Variants in RARB observed in about 807,000 individuals in gnomAD.
The protein encoded by RARB is retinoic acid receptor beta, also known as HBV-activated protein.
Under a neutral mutation model 51.9 loss-of-function variants are expected in RARB, and 17 were observed. That is an observed-to-expected ratio of 0.33 (90% CI 0.22 to 0.49). RARB has a LOEUF of 0.49. RARB is among the 20% of genes least tolerant of loss of function. The probability of loss-of-function intolerance (pLI) is 0.99; values close to 1 mark genes in which losing one functional copy is unlikely to be tolerated. For synonymous variants in RARB, 215 were observed against 195.4 expected (o/e 1.10, Z -0.84); for missense variants, 369 against 550.8 (o/e 0.67, Z 3.30).
Position 25,565,078 on chromosome 3 carries a change from A to T in RARB, c.449-4680A>T, listed in dbSNP as rs773140431. Among the ~76,000 whole-genome samples, 3 of 152,238 alleles carry T rather than the reference A, an allele frequency of 2.0e-5. No individual in the cohort carries two copies. In the East Asian group the frequency reaches 5.8e-4, roughly 29 times the overall value. On this transcript the variant is annotated intron_variant, in intron 3 of 7. Transcript: ENST00000330688. ...CCAGTAGGATCCCCCTGCCACACCC[A>T]GTAATACACAGGCACAGCTCCCTGT...
intron 5 of RARB, among the ~76,000 whole-genome samples, chr3:25,252,633 T>G (rs370854184): frequency 5.4e-4 from 82 of 152,246 alleles, no homozygotes; most frequent in African/African-American, 1.9e-3. Flanking sequence ...TTTCATTTTC[T>G]TATATTTTCA....
chr3:25,011,009 G>A (rs1697382853), intron 2 of RARB, among the ~76,000 whole-genome samples: 1 of 151,930 alleles, frequency 6.6e-6, no homozygotes, highest in African/African-American at 2.4e-5. Flanking sequence ...TGATATCAGT[G>A]GCCATGTTCA....
chr3:25,539,947 G>T lies in RARB; in HGVS notation c.449-29811G>T, dbSNP rs551306792. Among the ~76,000 whole-genome samples, 36 of 151,916 alleles carry T rather than the reference G, an allele frequency of 2.4e-4. 1 individual carries two copies. In the South Asian group the frequency reaches 7.3e-3, roughly 31 times the overall value. The stretch of plus-strand genomic sequence containing the variant: ...TGTGGATCAAAAATACGGTATTTAT[G>T]GGATGCAAACCCCACATATACAAAG... On this transcript the variant is annotated intron_variant, in intron 3 of 7. Transcript: ENST00000330688.
At chr3:25,145,509 G>T (rs199626228) in intron 4 of RARB, among the ~76,000 whole-genome samples, 6 of 144,102 alleles carry the variant, frequency 4.2e-5, no homozygotes, top group African/African-American at 1.5e-4. Flanking sequence ...TCAAAAAAAA[G>T]AAAAAGAAAT....
intron 5 of RARB, among the ~76,000 whole-genome samples, chr3:25,206,107 CTCA>C (rs1559505256): frequency 1.3e-5 from 2 of 152,128 alleles, no homozygotes; most frequent in African/African-American, 4.8e-5. Context: ...GGAACATAAC[CTCA>C]TCATAAGTCA....
At chr3:25,048,972 T>C (rs948734994) in intron 2 of RARB, among the ~76,000 whole-genome samples, 1 of 152,124 alleles carries the variant, frequency 6.6e-6, no homozygotes, top group Non-Finnish European at 1.5e-5. Flanking sequence ...CAGGATGGTC[T>C]CGATCTCCTG....
chr3:24,872,277 G>A (rs1220421465), intron 2 of RARB, among the ~76,000 whole-genome samples: 1 of 152,110 alleles, frequency 6.6e-6, no homozygotes, highest in Non-Finnish European at 1.5e-5. Context: ...AGCACAGAAG[G>A]CAGGCTTCTG....
chr3:25,289,258 T>G (rs971028296), intron 5 of RARB, among the ~76,000 whole-genome samples: 1 of 152,212 alleles, frequency 6.6e-6, no homozygotes, highest in Non-Finnish European at 1.5e-5. Flanking sequence ...CTCACGGGGA[T>G]GCTGTGAGGT....
chr3:24,894,595 T>C (rs1464266767), intron 2 of RARB, among the ~76,000 whole-genome samples: 1 of 152,202 alleles, frequency 6.6e-6, no homozygotes, highest in Non-Finnish European at 1.5e-5. Context: ...TGTGTCTTTT[T>C]TGTGTAATGA....
At chr3:25,103,345 GCTT>G (rs1380849505) in intron 3 of RARB, among the ~76,000 whole-genome samples, 3 of 152,148 alleles carry the variant, frequency 2.0e-5, no homozygotes, top group Non-Finnish European at 4.4e-5. Flanking sequence ...AAATGAACTG[GCTT>G]CTTCTCACAA....
chr3:25,041,076 G>A (rs1353205228), intron 2 of RARB, among the ~76,000 whole-genome samples: 2 of 152,148 alleles, frequency 1.3e-5, no homozygotes, highest in Non-Finnish European at 2.9e-5. Flanking sequence ...TACACATTTT[G>A]CTTTCTTCTT....
At chr3:25,449,986 A>G (rs1320104504) in intron 1 of RARB, among the ~76,000 whole-genome samples, 2 of 152,096 alleles carry the variant, frequency 1.3e-5, no homozygotes, top group African/African-American at 2.4e-5. Flanking sequence ...TTCTGTCCTC[A>G]AGTGATCCAC....
intron 3 of RARB, among the ~76,000 whole-genome samples, chr3:25,118,354 C>A (rs1257066151): frequency 6.6e-6 from 1 of 152,118 alleles, no homozygotes; most frequent in East Asian, 1.9e-4. Context: ...TTATCATGAT[C>A]TGCCATCTAT....
chr3:24,891,593 A>G (rs1259782836), intron 2 of RARB, among the ~76,000 whole-genome samples: 3 of 152,158 alleles, frequency 2.0e-5, no homozygotes, highest in East Asian at 3.9e-4. Context: ...TTTAATATTC[A>G]TCTGCCTTTT....
At chr3:24,990,731 T>C (rs1696891012) in intron 2 of RARB, among the ~76,000 whole-genome samples, 1 of 41,780 alleles carries the variant, frequency 2.4e-5, no homozygotes, top group Non-Finnish European at 4.5e-5. Context: ...CTCCTCATTA[T>C]TACTCTTCTT....
At chr3:24,959,231 G>GT (rs1418207238) in intron 2 of RARB, among the ~76,000 whole-genome samples, 1 of 152,188 alleles carries the variant, frequency 6.6e-6, no homozygotes, top group African/African-American at 2.4e-5. Context: ...ATCTGCACAT[G>GT]TAGCCCCTGA....
intron 5 of RARB, among the ~76,000 whole-genome samples, chr3:25,329,687 T>A (rs1471186035): frequency 1.3e-5 from 2 of 152,134 alleles, no homozygotes; most frequent in Admixed American, 1.3e-4. Flanking sequence ...AGAAGAAGAC[T>A]TCAGACGATC....
intron 5 of RARB, among the ~76,000 whole-genome samples, chr3:25,242,913 CA>C (rs1702467553): frequency 6.6e-6 from 1 of 152,134 alleles, no homozygotes; most frequent in African/African-American, 2.4e-5. Flanking sequence ...TGGCCATTTT[CA>C]CAATTTTGAT....
At chr3:24,854,768 C>A (rs539613651) in intron 1 of RARB, among the ~76,000 whole-genome samples, 1 of 152,150 alleles carries the variant, frequency 6.6e-6, no homozygotes, top group Non-Finnish European at 1.5e-5. Context: ...CTCCCCCACC[C>A]CAGCTGTACC....
Sources: gnomAD v4.1 joint callset for allele counts (sites outside exome capture counted in the v4.1 genomes callset) on GRCh38, gnomAD v4.1.1 for gene constraint, MANE v1.5 for transcripts, NCBI Gene and HGNC (gene_info 2026-07-23, HGNC 2026-07-21) for gene names.